Variants in NF1 observed in about 807,000 individuals in gnomAD.
The protein encoded by NF1 is neurofibromin 1, also known as neurofibromin.
In NF1, 122 loss-of-function variants were observed where a neutral mutation model predicts 325.7. That is an observed-to-expected ratio of 0.37 (90% confidence interval 0.32 to 0.44). The LOEUF (loss-of-function observed/expected upper bound fraction) is 0.44. NF1 is among the 20% of genes least tolerant of loss of function. The pLI is 1.00. For synonymous variants in NF1, 1,091 were observed against 1,186.0 expected, an observed-to-expected ratio of 0.92 and a Z score of 1.65; for missense variants, 2,140 against 3,415.4, an observed-to-expected ratio of 0.63 and a Z score of 9.31.
intron 30 of NF1, chr17:31,250,147 T>A (rs1160812149): frequency 1.3e-4 from 44 of 349,636 alleles, no homozygotes; most frequent in Non-Finnish European, 2.5e-4. Flanking sequence ...TGATAAAACA[T>A]ACTTAACCTT....
At chr17:31,295,661 T>C (rs1397229874) in intron 36 of NF1, 16 of 1,614,026 alleles carry the variant, frequency 9.9e-6, no homozygotes, top group Non-Finnish European at 1.4e-5. Flanking sequence ...CCACCTGTTA[T>C]TGTAAAGGGT....
intron 36 of NF1, among the ~76,000 whole-genome samples, chr17:31,269,311 C>T (rs2067849446): frequency 6.6e-6 from 1 of 152,170 alleles, no homozygotes; most frequent in Non-Finnish European, 1.5e-5. Flanking sequence ...TCTTTTCCTT[C>T]TATTCCATCC....
intron 40 of NF1, 47 bp downstream of exon 40, chr17:31,335,078 T>G: frequency 6.7e-7 from 1 of 1,487,110 alleles, no homozygotes; most frequent in Non-Finnish European, 9.3e-7. Context: ...TTTGTGCACA[T>G]ATTTATCTGG....
chr17:31,287,658 C>T (rs1218919818), intron 36 of NF1, among the ~76,000 whole-genome samples: 1 of 152,026 alleles, frequency 6.6e-6, no homozygotes, highest in Non-Finnish European at 1.5e-5. Flanking sequence ...CTCCTGGGCT[C>T]AAGCCATCCT....
intron 27 of NF1, among the ~76,000 whole-genome samples, chr17:31,233,695 A>G (rs1255179145): frequency 6.6e-6 from 1 of 152,192 alleles, no homozygotes; most frequent in Non-Finnish European, 1.5e-5. Context: ...CTCTCTCTTA[A>G]TTTAATGAAA....
rs147375145 is a variant in NF1, at chr17:31,179,502, A to G, written c.587-1920A>G. Reference sequence around the variant, plus strand: ...CAAAAGCTAGCAGAGGACAAGAAATAACTAAGATCAGAGCAGAACTGAAGG... The same window carrying G: ...CAAAAGCTAGCAGAGGACAAGAAATGACTAAGATCAGAGCAGAACTGAAGG... On this transcript the variant is annotated intron_variant, in intron 5 of 57. Transcript: ENST00000358273. 1.1e-4 allele frequency among the ~76,000 whole-genome samples: 16 copies of G among 152,330 alleles called. No individual in the cohort carries two copies. The East Asian group carries it at 2.9e-3, about 28-fold the overall frequency.
intron 36 of NF1, among the ~76,000 whole-genome samples, chr17:31,280,363 G>T (rs1291364680): frequency 6.6e-6 from 1 of 151,284 alleles, no homozygotes; most frequent in Non-Finnish European, 1.5e-5. Context: ...AGATAAATTA[G>T]CTGGGCGTGG....
chr17:31,191,867 T>C (rs1463344783), intron 8 of NF1, among the ~76,000 whole-genome samples: 1 of 152,198 alleles, frequency 6.6e-6, no homozygotes, highest in African/African-American at 2.4e-5. Flanking sequence ...GTTAGTGAGG[T>C]TTGAAAACAG....
At chr17:31,141,738 GT>G (rs556395264) in intron 1 of NF1, among the ~76,000 whole-genome samples, 6 of 152,266 alleles carry the variant, frequency 3.9e-5, no homozygotes, top group African/African-American at 1.4e-4. Context: ...GTCTCTTGAG[GT>G]TGCAGTCAAG....
At chr17:31,254,795 G>A (rs2067554846) in intron 31 of NF1, among the ~76,000 whole-genome samples, 1 of 151,858 alleles carries the variant, frequency 6.6e-6, no homozygotes. Context: ...CCAAGTTTTG[G>A]AATGTATTTC....
chr17:31,224,957 T>C, intron 16 of NF1, 138 bp from the exon 17 acceptor site: 1 of 829,114 alleles, frequency 1.2e-6, no homozygotes, highest in East Asian at 2.5e-5. Context: ...TTCTAGTGAA[T>C]CTCCTTCAAG....
intron 12 of NF1, among the ~76,000 whole-genome samples, chr17:31,208,398 G>A (rs1437236359): frequency 6.6e-6 from 1 of 151,924 alleles, no homozygotes; most frequent in African/African-American, 2.4e-5. Context: ...GGTTTTGAAT[G>A]GCTGTTAGGG....
In NF1 at chr17:31,156,145, G is replaced by A. The variant is rs2065658459; in HGVS notation, c.204+19G>A. 6.2e-7 allele frequency: 1 copy of A among 1,612,962 alleles called. No homozygotes were observed. Among genetic ancestry groups the A allele is most frequent in the Non-Finnish European group, 8.5e-7 (1 of 1,179,518 alleles). The stretch of plus-strand genomic sequence containing the variant: ...CAATATGGTGAGTATTTGGGTTACT[G>A]TGTTTTGGGGAATTTGCTTTCTTTT... On this transcript the variant is annotated intron_variant, in intron 2 of 57. Transcript: ENST00000358273.
intron 1 of NF1, among the ~76,000 whole-genome samples, chr17:31,149,325 C>T (rs1916779914): frequency 6.6e-6 from 1 of 151,768 alleles, no homozygotes; most frequent in Admixed American, 6.6e-5. Context: ...TTTTTTGAGA[C>T]AGAGTCTTGC....
At position 31,229,253 on chromosome 17, in the gene NF1, G is replaced by C. The variant is rs1156571421; in HGVS notation, c.2638G>C (p.Val880Leu). ...TGAACGTAAGGGTTCTATGATTTCAGTGATGTCTTCAGAGGGAAACGCAGA... is the reference window on the plus strand; with the variant it reads ...TGAACGTAAGGGTTCTATGATTTCACTGATGTCTTCAGAGGGAAACGCAGA... ...VSERKGSMISVMSSEGNADTP... is the reference protein window; with the variant it reads ...VSERKGSMISLMSSEGNADTP... Residue 880 changes from valine (V) to leucine (L), a missense_variant, in exon 21 of 58, where the codon GTG becomes CTG. Coordinates refer to ENST00000358273, the MANE Select transcript of NF1 (RefSeq NM_001042492.3). 6.2e-7 allele frequency: 1 copy of C among 1,613,032 alleles called. No individual in the cohort carries two copies. Among genetic ancestry groups the C allele is most frequent in the South Asian group, 1.1e-5 (1 of 91,026 alleles).
intron 47 of NF1, among the ~76,000 whole-genome samples, chr17:31,342,440 A>G (rs911744018): frequency 6.6e-6 from 1 of 152,162 alleles, no homozygotes; most frequent in African/African-American, 2.4e-5. Context: ...TCTACTAAAA[A>G]TACAAAAATT....
intron 1 of NF1, among the ~76,000 whole-genome samples, chr17:31,143,660 A>C (rs1270541086): frequency 1.3e-5 from 2 of 152,140 alleles, no homozygotes; most frequent in African/African-American, 4.8e-5. Flanking sequence ...TTTACCATTG[A>C]TTTGAAATAC....
intron 36 of NF1, chr17:31,278,277 T>G (rs2068045060): frequency 6.6e-6 from 1 of 152,098 alleles, no homozygotes; most frequent in South Asian, 2.1e-4. Context: ...CTGAAAATGA[T>G]GAGAATGATC....
chr17:31,180,955 GACAA>G (rs771601747), intron 5 of NF1, among the ~76,000 whole-genome samples: 20 of 152,178 alleles, frequency 1.3e-4, no homozygotes, highest in African/African-American at 3.4e-4. Context: ...ACCAATAACA[GACAA>G]ACAGAGAGCC....
Sources: allele counts gnomAD v4.1 joint callset (sites outside exome capture counted in the v4.1 genomes callset), GRCh38; gene constraint gnomAD v4.1.1; transcripts MANE v1.5; gene names NCBI Gene and HGNC (gene_info 2026-07-23, HGNC 2026-07-21).